The following PRR16 variants were observed in gnomAD, a reference collection of about 807,000 sequenced individuals.
The protein encoded by PRR16 is protein Largen.
In PRR16, 6 loss-of-function variants were observed where a neutral mutation model predicts 18.2. That is an observed-to-expected ratio of 0.33 (90% confidence interval 0.18 to 0.65). The LOEUF (loss-of-function observed/expected upper bound fraction) is 0.65, where lower values mean the gene tolerates loss of function less well. Among genes scored for constraint, PRR16 ranks in the 30% least tolerant of loss-of-function variants. The pLI, the probability that PRR16 is intolerant of heterozygous loss-of-function variation, is 0.74. For synonymous variants in PRR16, 151 were observed against 147.8 expected (o/e 1.02, Z -0.16); for missense variants, 412 against 376.6 (o/e 1.09, Z -0.78).
At chr5:120,683,501 C>CAAA (rs11385880) in intron 1 of PRR16, among the ~76,000 whole-genome samples, 4 of 112,062 alleles carry the variant, frequency 3.6e-5, no homozygotes, top group Non-Finnish European at 5.7e-5. Context: ...CACTCCGTCT[C>CAAA]AAAAAAAAAA....
chr5:120,772,892 G>A, the PRR16 span, among the ~76,000 whole-genome samples: 1 of 152,026 alleles, frequency 6.6e-6, no homozygotes, highest in South Asian at 2.1e-4. Context: ...TTTATCTGAA[G>A]CTCATACGAA....
At chr5:120,733,625 A>G in the PRR16 span, among the ~76,000 whole-genome samples, 1 of 152,314 alleles carries the variant, frequency 6.6e-6, no homozygotes, top group Admixed American at 6.5e-5. Flanking sequence ...CATTAAACCT[A>G]TGCCCCGCTC....
chr5:120,695,450 T>A, the PRR16 span, among the ~76,000 whole-genome samples: 1 of 152,200 alleles, frequency 6.6e-6, no homozygotes. Flanking sequence ...CTTTTTGCCA[T>A]GTCTTCCTTT....
At chr5:120,470,004 C>A (rs1241351901) in intron 1 of PRR16, among the ~76,000 whole-genome samples, 2 of 152,098 alleles carry the variant, frequency 1.3e-5, no homozygotes, top group African/African-American at 4.8e-5. Context: ...TTCATTATTA[C>A]CTGGATTATG....
At position 120,568,821 on chromosome 5, in the gene PRR16, C is replaced by T. The variant is rs192897637; in HGVS notation, c.159+104176C>T. Among the ~76,000 whole-genome samples, 3 of 152,120 alleles carry T rather than the reference C, an allele frequency of 2.0e-5. No homozygotes were observed. The East Asian group carries it at 5.8e-4, about 29-fold the overall frequency. On this transcript the variant is annotated intron_variant, in intron 1 of 1. Transcript: ENST00000407149. Reference sequence around the variant, plus strand: ...AATCACTACATTAACTTTTCAGAACCATCTGAGTAGAATTTTTGTGAAATG... The same window carrying T: ...AATCACTACATTAACTTTTCAGAACTATCTGAGTAGAATTTTTGTGAAATG...
At chr5:120,499,613 T>C (rs1750379731) in intron 1 of PRR16, among the ~76,000 whole-genome samples, 1 of 152,134 alleles carries the variant, frequency 6.6e-6, no homozygotes, top group African/African-American at 2.4e-5. Flanking sequence ...CTCCTCTCTA[T>C]ATCTTATATC....
At chr5:120,465,289 C>T (rs537865166) in intron 1 of PRR16, among the ~76,000 whole-genome samples, 4 of 152,334 alleles carry the variant, frequency 2.6e-5, no homozygotes, top group African/African-American at 7.2e-5. Flanking sequence ...AACGTCGTTA[C>T]CAGTAACTCT....
chr5:120,688,205 A>C (rs183527942), downstream of PRR16, among the ~76,000 whole-genome samples: 26 of 152,320 alleles, frequency 1.7e-4, no homozygotes, highest in Admixed American at 1.6e-3. Flanking sequence ...CCTATTAAAA[A>C]TGATTATATA....
At chr5:120,542,395 C>T (rs1468087802) in intron 1 of PRR16, among the ~76,000 whole-genome samples, 2 of 151,900 alleles carry the variant, frequency 1.3e-5, no homozygotes, top group African/African-American at 4.8e-5. Flanking sequence ...ACAGGGAGTA[C>T]CTATATACTC....
At chr5:120,671,149 A>G (rs558073306) in intron 1 of PRR16, among the ~76,000 whole-genome samples, 104 of 152,268 alleles carry the variant, frequency 6.8e-4, no homozygotes, top group African/African-American at 2.3e-3. Context: ...ACTGTACTAC[A>G]TTGGATGATT....
At chr5:120,499,904 G>A (rs571511449) in intron 1 of PRR16, among the ~76,000 whole-genome samples, 3 of 152,180 alleles carry the variant, frequency 2.0e-5, no homozygotes, top group South Asian at 2.1e-4. Context: ...TCCCAGGAAC[G>A]TATAGAAGCT....
the PRR16 span, among the ~76,000 whole-genome samples, chr5:120,754,356 G>A: frequency 0.092 from 5,736 of 62,020 alleles, 387 homozygotes; most frequent in African/African-American, 0.2. Context: ...GTTATATGAT[G>A]TATATAAATA....
At chr5:120,544,773 C>T (rs983885172) in intron 1 of PRR16, among the ~76,000 whole-genome samples, 9 of 152,040 alleles carry the variant, frequency 5.9e-5, no homozygotes, top group African/African-American at 1.7e-4. Flanking sequence ...ACTAGGAGGC[C>T]TCAAGCTCAG....
At chr5:120,629,332 T>C (rs779832475) in intron 1 of PRR16, among the ~76,000 whole-genome samples, 8 of 152,124 alleles carry the variant, frequency 5.3e-5, no homozygotes, top group Non-Finnish European at 8.8e-5. Flanking sequence ...ATATACTCAA[T>C]AATATACTCA....
At position 120,512,128 on chromosome 5, in the gene PRR16, C is replaced by T. The variant is rs181837516; in HGVS notation, c.159+47483C>T. 1.8e-3 allele frequency among the ~76,000 whole-genome samples: 271 copies of T among 152,282 alleles called. 1 individual carries two copies. The highest frequency in any genetic ancestry group is 5.9e-3 in the African/African-American group (244 of 41,574). ...CAGCGCTGCTGAATTTCAGCAGTGC[C>T]CTAGATTCAGGCATCCTGCTGTTCC... On this transcript the variant is annotated intron_variant, in intron 1 of 1. Transcript: ENST00000407149.
chr5:120,671,688 T>C (rs72794353), intron 1 of PRR16, among the ~76,000 whole-genome samples: 16,234 of 152,178 alleles, frequency 0.11, 1,137 homozygotes, highest in Non-Finnish European at 0.14. Flanking sequence ...GTCATTTTAA[T>C]GTAAATGTAA....
At chr5:120,579,022 T>C (rs1046975859) in intron 1 of PRR16, among the ~76,000 whole-genome samples, 6 of 152,210 alleles carry the variant, frequency 3.9e-5, no homozygotes, top group Non-Finnish European at 7.3e-5. Flanking sequence ...CTTTTTTTCA[T>C]ATATTTGTTG....
At chr5:120,639,756 G>A (rs1361058452) in intron 1 of PRR16, among the ~76,000 whole-genome samples, 1 of 151,412 alleles carries the variant, frequency 6.6e-6, no homozygotes, top group Non-Finnish European at 1.5e-5. Flanking sequence ...ACTTAAAACA[G>A]AGCTACAATC....
chr5:120,692,766 T>C, the PRR16 span, among the ~76,000 whole-genome samples: 1,160 of 152,320 alleles, frequency 7.6e-3, 9 homozygotes, highest in African/African-American at 0.027. Flanking sequence ...TAAACACAGA[T>C]AGAAATGAGT....
Sources: gnomAD v4.1 joint callset for allele counts (sites outside exome capture counted in the v4.1 genomes callset) on GRCh38, gnomAD v4.1.1 for gene constraint, MANE v1.5 for transcripts, NCBI Gene and HGNC (gene_info 2026-07-23, HGNC 2026-07-21) for gene names.